Variants in INSL6 observed in about 807,000 individuals in gnomAD.
The protein encoded by INSL6 is insulin-like peptide INSL6.
Under a neutral mutation model 9.4 loss-of-function variants are expected in INSL6, and 16 were observed. The ratio of observed to expected loss-of-function variants is 1.70; its 90% CI spans 1.15 to 2.59. The LOEUF (loss-of-function observed/expected upper bound fraction) is 2.59. INSL6 is among the 30% of genes most tolerant of loss of function. INSL6 has a pLI of 0.00. For missense variants in INSL6, 391 were observed against 257.3 expected (o/e 1.52, Z -3.56); for synonymous variants, 154 against 96.9 (o/e 1.59, Z -3.46).
chr9:5,040,149 C>T, the INSL6 span, among the ~76,000 whole-genome samples: 1 of 152,174 alleles, frequency 6.6e-6, no homozygotes, highest in East Asian at 1.9e-4. Flanking sequence ...AATATAATTT[C>T]TCACATTGAT....
At chr9:5,127,303 A>G in intron 3 of INSL6, 1 of 232,268 alleles carries the variant, frequency 4.3e-6, no homozygotes, top group East Asian at 6.1e-5. Context: ...ACAAATTAAG[A>G]TGTTCAGATA....
the INSL6 span, among the ~76,000 whole-genome samples, chr9:5,003,260 G>A: frequency 1.3e-5 from 2 of 151,902 alleles, no homozygotes; most frequent in African/African-American, 2.4e-5. Context: ...AAAACTGCTA[G>A]GATTTTAATT....
the INSL6 span, among the ~76,000 whole-genome samples, chr9:5,035,604 A>G: frequency 6.6e-6 from 1 of 152,258 alleles, no homozygotes; most frequent in African/African-American, 2.4e-5. Flanking sequence ...AACGTAATCC[A>G]GCATATAAAC....
the INSL6 span, among the ~76,000 whole-genome samples, chr9:5,092,614 A>G: frequency 6.6e-6 from 1 of 152,212 alleles, no homozygotes; most frequent in African/African-American, 2.4e-5. Context: ...AGATGAAAGA[A>G]CTGAGCAAAG....
chr9:4,997,074 G>A, the INSL6 span, among the ~76,000 whole-genome samples: 4 of 151,680 alleles, frequency 2.6e-5, no homozygotes, highest in Non-Finnish European at 2.9e-5. Flanking sequence ...CACTGCAGGC[G>A]AGTGCCACTA....
In INSL6 at chr9:5,179,332, G is replaced by C. The variant is rs145106369; in HGVS notation, c.289+5982C>G. Among the ~76,000 whole-genome samples, 711 of 152,210 alleles carry C rather than the reference G, an allele frequency of 4.7e-3. 4 individuals carry two copies. The highest frequency in any genetic ancestry group is 0.015 in the African/African-American group (619 of 41,530). ...GATACCATCTCATGCCAGTCAGAAT[G>C]GCTATTATTAAAGCTAAAAAACAAC... On this transcript the variant is annotated intron_variant, in intron 1 of 1. Coordinates refer to ENST00000381641, the MANE Select transcript of INSL6 (RefSeq NM_007179.3).
chr9:5,179,865 A>G (rs7874624), intron 1 of INSL6, among the ~76,000 whole-genome samples: 58,240 of 152,042 alleles, frequency 0.38, 12,675 homozygotes, highest in African/African-American at 0.61. Context: ...GGGGAAGGGA[A>G]AGTATCAGGA....
At chr9:5,045,270 G>A in the INSL6 span, among the ~76,000 whole-genome samples, 4 of 152,118 alleles carry the variant, frequency 2.6e-5, no homozygotes, top group African/African-American at 9.7e-5. Flanking sequence ...TGCTAATATT[G>A]TAGGAAACAA....
intron 1 of INSL6, among the ~76,000 whole-genome samples, chr9:5,177,003 A>G (rs1473738434): frequency 6.6e-6 from 1 of 152,240 alleles, no homozygotes; most frequent in Non-Finnish European, 1.5e-5. Context: ...CTTTAAAATC[A>G]TAAGAATAGA....
the INSL6 span, chr9:5,080,429 T>C: frequency 2.6e-6 from 4 of 1,552,706 alleles, no homozygotes; most frequent in Non-Finnish European, 3.5e-6. Context: ...TGAACTTTCA[T>C]ATTTCTTTCA....
chr9:5,112,024 T>C, the INSL6 span: 1 of 399,564 alleles, frequency 2.5e-6, no homozygotes, highest in African/African-American at 2.1e-5. Context: ...GGAGCAGGAG[T>C]CCCTGGTGCC....
At position 5,185,518 on chromosome 9, in the gene INSL6, C is replaced by A; in HGVS notation, c.85G>T (p.Ala29Ser). ...AAGTACCTGCCGCACAGCTTCCTGG[C>A]ACTGCTGATGTCGCTCAGTTCACGA... The part of the protein sequence containing the change: ...FSRELSDISS[A>S]RKLCGRYLVK... The change falls in exon 1 of 2, where the codon GCC becomes TCC. Residue 29 changes from alanine (A) to serine (S), a missense_variant. Transcript: ENST00000381641. 6.2e-7 allele frequency: 1 copy of A among 1,614,202 alleles called. No individual in the cohort carries two copies. The highest frequency in any genetic ancestry group is 8.5e-7 in the Non-Finnish European group (1 of 1,180,042).
At chr9:5,113,121 A>AT in the INSL6 span, among the ~76,000 whole-genome samples, 8 of 144,714 alleles carry the variant, frequency 5.5e-5, 1 homozygote, top group African/African-American at 2.1e-4. Context: ...CTCAGCCACC[A>AT]TGTCACCCTG....
the INSL6 span, among the ~76,000 whole-genome samples, chr9:5,006,989 C>A: frequency 3.9e-5 from 6 of 151,998 alleles, no homozygotes; most frequent in Non-Finnish European, 1.5e-5. Flanking sequence ...CTTTTTAATT[C>A]CCGATATTGA....
chr9:5,152,762 T>C (rs1014372955), intron 2 of INSL6, among the ~76,000 whole-genome samples: 1 of 152,170 alleles, frequency 6.6e-6, no homozygotes, highest in African/African-American at 2.4e-5. Context: ...GCTGGTGAGA[T>C]GGCCAAACAG....
intron 2 of INSL6, among the ~76,000 whole-genome samples, chr9:5,156,657 TG>T (rs1824819343): frequency 6.6e-6 from 1 of 152,200 alleles, no homozygotes; most frequent in African/African-American, 2.4e-5. Flanking sequence ...TAGTTAATGT[TG>T]CACTGGAAGT....
chr9:5,105,139 C>T, the INSL6 span, among the ~76,000 whole-genome samples: 20 of 152,224 alleles, frequency 1.3e-4, no homozygotes, highest in Admixed American at 2.6e-4. Context: ...GCAGATGACA[C>T]GACTGTATAT....
the INSL6 span, among the ~76,000 whole-genome samples, chr9:5,105,822 T>C: frequency 6.6e-6 from 1 of 152,180 alleles, no homozygotes; most frequent in African/African-American, 2.4e-5. Flanking sequence ...AAAGGATTCC[T>C]TATTTAATAA....
At chr9:5,113,304 A>C in the INSL6 span, among the ~76,000 whole-genome samples, 1 of 149,936 alleles carries the variant, frequency 6.7e-6, no homozygotes, top group Admixed American at 6.6e-5. Flanking sequence ...AATGTGGAGA[A>C]ATCGTAACAT....
Sources: gnomAD v4.1 joint callset for allele counts (sites outside exome capture counted in the v4.1 genomes callset) on GRCh38, gnomAD v4.1.1 for gene constraint, MANE v1.5 for transcripts, NCBI Gene and HGNC (gene_info 2026-07-23, HGNC 2026-07-21) for gene names.